Variants in GLRA1 observed in about 807,000 individuals in gnomAD.
GLRA1 encodes glycine receptor subunit alpha-1.
Under a neutral mutation model 48.3 loss-of-function variants are expected in GLRA1, and 37 were observed. That is an observed-to-expected ratio of 0.77 (90% CI 0.59 to 1.01). The LOEUF (loss-of-function observed/expected upper bound fraction) is 1.01. Among genes scored for constraint, GLRA1 ranks in the 50% least tolerant of loss-of-function variants. GLRA1 has a pLI of 0.00. For synonymous variants in GLRA1, 196 were observed against 210.7 expected, an observed-to-expected ratio of 0.93 and a Z score of 0.60; for missense variants, 427 against 571.0, an observed-to-expected ratio of 0.75 and a Z score of 2.57.
At position 151,892,302 on chromosome 5, in the gene GLRA1, T is replaced by C. The variant is rs371937694; in HGVS notation, c.184+9A>G. The C allele has an allele frequency of 3.1e-6, 5 of 1,613,472 alleles. No individual in the cohort carries two copies. The African/African-American group carries it at 4.0e-5, about 13-fold the overall frequency. Reference sequence around the variant, plus strand: ...TTCCCTGTGGGTCTGGAAGGAATATTTTCTCTACCTTTAAAATTGGGCCTG... The same window carrying C: ...TTCCCTGTGGGTCTGGAAGGAATATCTTCTCTACCTTTAAAATTGGGCCTG... On this transcript the variant is annotated intron_variant, in intron 2 of 8. Coordinates refer to ENST00000274576, the MANE Select transcript of GLRA1 (RefSeq NM_000171.4).
intron 3 of GLRA1, among the ~76,000 whole-genome samples, chr5:151,884,528 A>G (rs2113403087): frequency 6.6e-6 from 1 of 152,378 alleles, no homozygotes; most frequent in East Asian, 1.9e-4. Context: ...GGGATTTTAC[A>G]GATGAAGAAA....
intron 7 of GLRA1, chr5:151,849,754 A>C (rs145477968): frequency 4.7e-6 from 2 of 427,776 alleles, no homozygotes; most frequent in Non-Finnish European, 7.7e-6. Flanking sequence ...TGGTTTCACT[A>C]TGTTGGCCAG....
intron 1 of GLRA1, among the ~76,000 whole-genome samples, chr5:151,914,828 A>G (rs1474952812): frequency 6.6e-6 from 1 of 152,202 alleles, no homozygotes; most frequent in Non-Finnish European, 1.5e-5. Context: ...TTACAGATGC[A>G]TGTTAATAAC....
intron 7 of GLRA1, chr5:151,849,090 TTTTA>T (rs2113333419): frequency 3.0e-6 from 1 of 329,490 alleles, no homozygotes; most frequent in African/African-American, 3.4e-5. Flanking sequence ...TTTCTTTCCT[TTTTA>T]TTTCTTTTCT....
At chr5:151,834,763 C>T (rs1041456991) in intron 7 of GLRA1, among the ~76,000 whole-genome samples, 4 of 151,732 alleles carry the variant, frequency 2.6e-5, no homozygotes, top group African/African-American at 9.7e-5. Context: ...CGTGGTGGCT[C>T]ATGCCTGTAA....
At chr5:151,907,983 T>C (rs1754517995) in intron 1 of GLRA1, among the ~76,000 whole-genome samples, 2 of 152,216 alleles carry the variant, frequency 1.3e-5, no homozygotes, top group Non-Finnish European at 2.9e-5. Context: ...ATGCTAATAA[T>C]TGTTGTCCAT....
chr5:151,912,857 A>G (rs1235752124), intron 1 of GLRA1, among the ~76,000 whole-genome samples: 1 of 152,240 alleles, frequency 6.6e-6, no homozygotes, highest in African/African-American at 2.4e-5. Flanking sequence ...ACATGCATCA[A>G]GAAATTCATT....
intron 1 of GLRA1, among the ~76,000 whole-genome samples, chr5:151,897,116 C>A (rs972081518): frequency 8.5e-5 from 13 of 152,234 alleles, no homozygotes; most frequent in Non-Finnish European, 1.6e-4. Context: ...AAGTTCCCAA[C>A]TCTTTTCCAA....
chr5:151,851,353 G>T (rs916051581), intron 7 of GLRA1, 37 bp downstream of exon 7: 2 of 1,361,354 alleles, frequency 1.5e-6, no homozygotes, highest in African/African-American at 2.9e-5. Context: ...GTCCTTATTT[G>T]TCCAGGTGTT....
At position 151,851,450 on chromosome 5, in the gene GLRA1, G is replaced by A. The variant is rs747986948; in HGVS notation, c.852C>T (p.Gly284=). The change falls in exon 7 of 9, where the codon GGC becomes GGT. Residue 284 remains glycine, a synonymous_variant. Transcript: ENST00000274576. Reference sequence around the variant, plus strand: ...TGGTCATGGTGAGCACAGTGGTGATGCCTAGGCCCACACGAGCAGGTGCAG... The same window carrying A: ...TGGTCATGGTGAGCACAGTGGTGATACCTAGGCCCACACGAGCAGGTGCAG... ...MDAAPARVGL[G]ITTVLTMTTQ... The A allele has an allele frequency of 6.2e-7, 1 of 1,614,070 alleles. No individual in the cohort carries two copies. The highest frequency in any genetic ancestry group is 8.5e-7 in the Non-Finnish European group (1 of 1,179,988).
intron 1 of GLRA1, among the ~76,000 whole-genome samples, chr5:151,919,811 G>T (rs1256052961): frequency 2.0e-5 from 3 of 152,342 alleles, no homozygotes; most frequent in Middle Eastern, 3.4e-3. Flanking sequence ...AAGCCTCTTT[G>T]TTTAATGCGA....
intron 3 of GLRA1, among the ~76,000 whole-genome samples, chr5:151,871,715 C>T (rs1283675205): frequency 1.3e-5 from 2 of 149,314 alleles, no homozygotes; most frequent in South Asian, 2.1e-4. Context: ...CGCCCGCCAC[C>T]ACGCCCGGCT....
intron 8 of GLRA1, 57 bp from the exon 9 acceptor site, chr5:151,823,020 C>T: frequency 6.8e-7 from 1 of 1,463,806 alleles, no homozygotes; most frequent in Non-Finnish European, 9.2e-7. Flanking sequence ...TAGGCACCCT[C>T]CCTGCAAGGC....
chr5:151,840,191 T>C (rs1246707921), intron 7 of GLRA1, among the ~76,000 whole-genome samples: 1 of 151,986 alleles, frequency 6.6e-6, no homozygotes, highest in African/African-American at 2.4e-5. Flanking sequence ...TCTCCAAGGT[T>C]CAAGCAGTCC....
intron 4 of GLRA1, 52 bp from the exon 5 acceptor site, chr5:151,856,435 T>A (rs749846061): frequency 8.7e-7 from 1 of 1,153,954 alleles, no homozygotes; most frequent in Non-Finnish European, 1.3e-6. Flanking sequence ...TCAGGGAGGC[T>A]GTGCCTCTAT....
intron 7 of GLRA1, chr5:151,848,970 T>C (rs1752759151): frequency 2.8e-6 from 2 of 714,234 alleles, no homozygotes; most frequent in Admixed American, 3.5e-5. Context: ...GTCCAGGCCA[T>C]GTATGTCTGG....
chr5:151,918,676 C>T (rs185400349), intron 1 of GLRA1, among the ~76,000 whole-genome samples: 95 of 152,292 alleles, frequency 6.2e-4, no homozygotes, highest in African/African-American at 2.2e-3. Context: ...CTCTGACTTG[C>T]ATTTCATTCA....
At chr5:151,904,684 A>G (rs1468090134) in intron 1 of GLRA1, among the ~76,000 whole-genome samples, 2 of 152,196 alleles carry the variant, frequency 1.3e-5, no homozygotes, top group Non-Finnish European at 2.9e-5. Flanking sequence ...TATTCTGTCT[A>G]AATCTTTGTT....
chr5:151,853,406 C>A (rs1752957392), intron 6 of GLRA1, among the ~76,000 whole-genome samples: 1 of 141,522 alleles, frequency 7.1e-6, no homozygotes, highest in African/African-American at 2.7e-5. Context: ...CCACCATGCC[C>A]AACTAATTTT....
Sources: gnomAD v4.1 joint callset for allele counts (sites outside exome capture counted in the v4.1 genomes callset) on GRCh38, gnomAD v4.1.1 for gene constraint, MANE v1.5 for transcripts, NCBI Gene and HGNC (gene_info 2026-07-23, HGNC 2026-07-21) for gene names.